PIK3C2G: variants seen among roughly 807,000 people sequenced by gnomAD.
PIK3C2G encodes the protein phosphatidylinositol 3-kinase C2 domain-containing subunit gamma.
PIK3C2G carries 168 observed loss-of-function variants against 181.1 expected under a neutral mutation model. The ratio of observed to expected loss-of-function variants is 0.93; its 90% CI spans 0.82 to 1.05. PIK3C2G has a LOEUF of 1.05. PIK3C2G is among the 50% of genes least tolerant of loss of function. The probability of loss-of-function intolerance (pLI) is 0.00; values close to 1 mark genes in which losing one functional copy is unlikely to be tolerated. For synonymous variants in PIK3C2G, 573 were observed against 592.2 expected (o/e 0.97, Z 0.47); for missense variants, 1,869 against 1,732.8 (o/e 1.08, Z -1.40).
At chr12:18,523,155 T>G (rs1943024254) in intron 24 of PIK3C2G, among the ~76,000 whole-genome samples, 1 of 152,224 alleles carries the variant, frequency 6.6e-6, no homozygotes, top group Admixed American at 6.5e-5. Context: ...TCATTTAATT[T>G]TCTATCTGAA....
intron 29 of PIK3C2G, among the ~76,000 whole-genome samples, chr12:18,575,371 A>G (rs1344310454): frequency 6.6e-6 from 1 of 152,156 alleles, no homozygotes; most frequent in African/African-American, 2.4e-5. Context: ...AGAAGATCTC[A>G]ATACATGGTA....
At chr12:18,321,329 G>C (rs1301140381) in intron 7 of PIK3C2G, among the ~76,000 whole-genome samples, 1 of 152,144 alleles carries the variant, frequency 6.6e-6, no homozygotes, top group Non-Finnish European at 1.5e-5. Context: ...TTTTGGGTTT[G>C]CATATGTCAC....
chr12:18,645,993 G>C (rs927183834), intron 32 of PIK3C2G, among the ~76,000 whole-genome samples: 1 of 152,064 alleles, frequency 6.6e-6, no homozygotes, highest in Non-Finnish European at 1.5e-5. Context: ...GAATAGTTCA[G>C]ACAGCTCAAA....
intron 20 of PIK3C2G, among the ~76,000 whole-genome samples, chr12:18,494,502 G>A (rs1458000674): frequency 1.3e-5 from 2 of 151,982 alleles, no homozygotes; most frequent in Non-Finnish European, 2.9e-5. Context: ...CATACTAGTT[G>A]TTGAATACAT....
Position 18,546,305 on chromosome 12 carries a change from G to A in PIK3C2G, c.3481-18G>A, listed in dbSNP as rs756311274. 4.3e-6 allele frequency: 6 copies of A among 1,382,394 alleles called. No homozygotes were observed. Among genetic ancestry groups the A allele is most frequent in the African/African-American group, 1.4e-5 (1 of 70,242 alleles). The allele number at this position is 1,382,394 out of a possible 1,614,324, so 85.6% of individuals were successfully genotyped here. On this transcript the variant is annotated intron_variant, in intron 25 of 32. Transcript: ENST00000538779. ...ATTCTGTCTTCTTTTTGCTTTGCTTGTTCTTGTTGTGGTTAAGATGCTGTA... is the reference window on the plus strand; with the variant it reads ...ATTCTGTCTTCTTTTTGCTTTGCTTATTCTTGTTGTGGTTAAGATGCTGTA...
intron 24 of PIK3C2G, among the ~76,000 whole-genome samples, chr12:18,524,737 T>C (rs1287642145): frequency 6.6e-6 from 1 of 151,940 alleles, no homozygotes; most frequent in Non-Finnish European, 1.5e-5. Flanking sequence ...GGCTAATTTT[T>C]TTGTATTTTT....
chr12:18,693,475 C>G, the PIK3C2G span: 1 of 1,607,838 alleles, frequency 6.2e-7, no homozygotes, highest in Non-Finnish European at 8.5e-7. Context: ...CAGGTAAAAC[C>G]TTGTTAGCCA....
At chr12:18,699,997 GA>G in the PIK3C2G span, 36 of 1,542,466 alleles carry the variant, frequency 2.3e-5, no homozygotes, top group East Asian at 6.8e-5. Context: ...TAATCATTGG[GA>G]AAAAAAATTT....
chr12:18,631,341 T>C (rs1195426328), intron 31 of PIK3C2G, among the ~76,000 whole-genome samples: 1 of 152,180 alleles, frequency 6.6e-6, no homozygotes, highest in East Asian at 1.9e-4. Flanking sequence ...ACCTGTGCTG[T>C]TCTATCATTC....
intron 15 of PIK3C2G, among the ~76,000 whole-genome samples, chr12:18,398,451 T>C (rs546052780): frequency 6.6e-6 from 1 of 152,316 alleles, no homozygotes; most frequent in Non-Finnish European, 1.5e-5. Context: ...TGAGGAAAAC[T>C]TTAAAATGAA....
At chr12:18,316,836 G>T (rs1029101590) in intron 6 of PIK3C2G, among the ~76,000 whole-genome samples, 9 of 151,988 alleles carry the variant, frequency 5.9e-5, no homozygotes, top group Non-Finnish European at 1.2e-4. Flanking sequence ...CTATGTAACT[G>T]CTGTGTATTA....
chr12:18,463,148 T>C (rs1042372867), intron 18 of PIK3C2G, among the ~76,000 whole-genome samples: 4 of 152,200 alleles, frequency 2.6e-5, no homozygotes, highest in Non-Finnish European at 2.9e-5. Flanking sequence ...CTGACTTCTG[T>C]TATTGTTTCA....
chr12:18,568,840 T>C (rs2136362773), intron 29 of PIK3C2G, among the ~76,000 whole-genome samples: 1 of 152,302 alleles, frequency 6.6e-6, no homozygotes, highest in South Asian at 2.1e-4. Flanking sequence ...TTGGTAGATC[T>C]TGGCCCTCCT....
chr12:18,610,081 C>G (rs955303254), intron 31 of PIK3C2G, among the ~76,000 whole-genome samples: 3 of 152,070 alleles, frequency 2.0e-5, no homozygotes, highest in African/African-American at 7.2e-5. Context: ...GTTCCACTCT[C>G]TATTACATGC....
At chr12:18,553,275 A>G (rs1393164230) in intron 26 of PIK3C2G, among the ~76,000 whole-genome samples, 2 of 152,062 alleles carry the variant, frequency 1.3e-5, no homozygotes, top group African/African-American at 4.8e-5. Context: ...TGCTTTGCAT[A>G]CAACTTCCTT....
At chr12:18,661,890 A>T in the PIK3C2G span, among the ~76,000 whole-genome samples, 1 of 152,124 alleles carries the variant, frequency 6.6e-6, no homozygotes, top group African/African-American at 2.4e-5. Context: ...GTAGTACTGG[A>T]TTTTTTTAAA....
At chr12:18,721,365 C>T in the PIK3C2G span, among the ~76,000 whole-genome samples, 280 of 152,014 alleles carry the variant, frequency 1.8e-3, 1 homozygote, top group Middle Eastern at 6.8e-3. Flanking sequence ...TAATAAGACA[C>T]CAAAGTGATC....
chr12:18,369,194 T>C (rs1228565682), intron 12 of PIK3C2G, among the ~76,000 whole-genome samples: 3 of 152,208 alleles, frequency 2.0e-5, no homozygotes, highest in Non-Finnish European at 2.9e-5. Context: ...TCTTCAAGTC[T>C]CTTTGCTCTT....
chr12:18,683,629 A>G, the PIK3C2G span: 1 of 1,388,242 alleles, frequency 7.2e-7, no homozygotes, highest in Admixed American at 2.1e-5. Context: ...CACATCTCAG[A>G]TGCTGTTAGA....
Sources: allele counts gnomAD v4.1 joint callset (sites outside exome capture counted in the v4.1 genomes callset), GRCh38; gene constraint gnomAD v4.1.1; transcripts MANE v1.5; gene names NCBI Gene and HGNC (gene_info 2026-07-23, HGNC 2026-07-21).